SRSF10: variants seen among roughly 807,000 people sequenced by gnomAD.
The protein encoded by SRSF10 is serine/arginine-rich splicing factor 10.
Under a neutral mutation model 32.6 loss-of-function variants are expected in SRSF10, and 9 were observed. The observed-to-expected ratio is 0.28, with a 90% CI of 0.17 to 0.48. The LOEUF is 0.48. SRSF10 is among the 20% of genes least tolerant of loss of function. The probability of loss-of-function intolerance (pLI) is 0.99; values close to 1 mark genes in which losing one functional copy is unlikely to be tolerated. For missense variants in SRSF10, 201 were observed against 331.8 expected, an observed-to-expected ratio of 0.61 and a Z score of 3.06; for synonymous variants, 105 against 112.4, an observed-to-expected ratio of 0.93 and a Z score of 0.42.
At chr1:23,973,751 G>A (rs1267842590) in intron 3 of SRSF10, among the ~76,000 whole-genome samples, 1 of 152,190 alleles carries the variant, frequency 6.6e-6, no homozygotes, top group African/African-American at 2.4e-5. Context: ...TGAACAATGT[G>A]CAGTGTCAAC....
intron 3 of SRSF10, 147 bp downstream of exon 3, chr1:23,974,827 C>T (rs1355960690): frequency 7.7e-5 from 50 of 652,034 alleles, no homozygotes; most frequent in Admixed American, 1.5e-4. Flanking sequence ...AGTGAGACTC[C>T]GTCTCAAAAA....
At chr1:23,979,919 C>A (rs111422740) in intron 1 of SRSF10, among the ~76,000 whole-genome samples, 1 of 150,412 alleles carries the variant, frequency 6.6e-6, no homozygotes, top group Non-Finnish European at 1.5e-5. Flanking sequence ...CTGCTCGCGC[C>A]GGCAGGAAGC....
intron 3 of SRSF10, 46 bp downstream of exon 3, chr1:23,974,927 AC>A (rs1156360851): frequency 7.3e-7 from 1 of 1,370,012 alleles, no homozygotes; most frequent in Non-Finnish European, 1.0e-6. Context: ...AAATCTCAAA[AC>A]ACTAAAAAAT....
Position 23,967,547 on chromosome 1 carries a change from A to C in SRSF10, c.*3595T>G, listed in dbSNP as rs1641512963. ...CAATTATTCCATGTAGTTTTCGATA[A>C]CATTCTTTTATCTTTTCAGACCAGA... On this transcript the variant is annotated 3_prime_UTR_variant, in exon 6 of 6. Coordinates refer to ENST00000492112, the MANE Select transcript of SRSF10 (RefSeq NM_054016.4). 1 of 607,958 alleles carries C rather than the reference A, an allele frequency of 1.6e-6. No homozygotes were observed. The highest frequency in any genetic ancestry group is 1.8e-5 in the African/African-American group (1 of 54,960). 37.7% of individuals were successfully genotyped at this position (607,958 alleles called of 1,614,324 possible).
Position 23,970,301 on chromosome 1 carries a change from G to A in SRSF10, c.*841C>T. 1.0e-6 allele frequency: 1 copy of A among 984,620 alleles called. No individual in the cohort carries two copies. The highest frequency in any genetic ancestry group is 1.2e-6 in the Non-Finnish European group (1 of 829,838). 61.0% of individuals were successfully genotyped at this position (984,620 alleles called of 1,614,324 possible). The stretch of plus-strand genomic sequence containing the variant: ...GCTGGCATCATTCCCCAAGACAGTG[G>A]GGTTAACAAAAGAACTAATCCACAC... On this transcript the variant is annotated 3_prime_UTR_variant, in exon 6 of 6. Transcript: ENST00000492112.
Position 23,967,959 on chromosome 1 carries a change from T to TAAA in SRSF10, c.*3182_*3183insTTT. 7.4e-7 allele frequency: 1 copy of TAAA among 1,351,450 alleles called. No homozygotes were observed. Among genetic ancestry groups the TAAA allele is most frequent in the Non-Finnish European group, 9.7e-7 (1 of 1,030,162 alleles). 83.7% of individuals were successfully genotyped at this position (1,351,450 alleles called of 1,614,324 possible). A position where few individuals can be genotyped will look rare whatever the true frequency, so the allele number is the denominator to read the frequency against. ...CATTTTTCTTCTTGCTTACTTGGCT[T>TAAA]CAAAAAAAAAAAAAAAATGCAGAGA... On this transcript the variant is annotated 3_prime_UTR_variant, in exon 6 of 6. Coordinates refer to ENST00000492112, the MANE Select transcript of SRSF10 (RefSeq NM_054016.4).
rs1641408735 is a variant in SRSF10, at chr1:23,965,497, C to T, written c.*5645G>A. On this transcript the variant is annotated 3_prime_UTR_variant, in exon 6 of 6. Transcript: ENST00000492112. ...TAGCATAATATGCAAGAAGCTATCA[C>T]ATGATGGGTATTCTACAAAGGACAA... The T allele has an allele frequency of 6.6e-6, 1 of 151,996 alleles. No individual in the cohort carries two copies. Among genetic ancestry groups the T allele is most frequent in the Non-Finnish European group, 1.5e-5 (1 of 67,868 alleles). The allele number at this position is 151,996 out of a possible 1,614,324, so 9.4% of individuals were successfully genotyped here. A position where few individuals can be genotyped will look rare whatever the true frequency, so the allele number is the denominator to read the frequency against.
Position 23,980,272 on chromosome 1 carries a change from G to A in SRSF10, c.-17C>T. 6.8e-7 allele frequency: 1 copy of A among 1,475,948 alleles called. No individual in the cohort carries two copies. Among genetic ancestry groups the A allele is most frequent in the African/African-American group, 1.5e-5 (1 of 68,362 alleles). 91.4% of individuals were successfully genotyped at this position (1,475,948 alleles called of 1,614,324 possible). On this transcript the variant is annotated 5_prime_UTR_variant, in exon 1 of 6. Transcript: ENST00000492112. ...GCGGGACATGGCGGCGGCGTGTCTC[G>A]GCCGGGCGCACTAACGGGCTCAGCA...
intron 3 of SRSF10, 97 bp from the exon 4 acceptor site, chr1:23,972,109 TC>T: frequency 9.4e-7 from 1 of 1,065,122 alleles, no homozygotes; most frequent in Non-Finnish European, 1.3e-6. Flanking sequence ...CCCTCTTATA[TC>T]CCAAAGAGAG....
intron 1 of SRSF10, 95 bp downstream of exon 1, chr1:23,980,096 G>A (rs1642370841): frequency 3.0e-6 from 4 of 1,337,284 alleles, no homozygotes; most frequent in Non-Finnish European, 4.0e-6. Flanking sequence ...TCTTCACTCC[G>A]TCCCCTCCCC....
At chr1:23,973,809 T>C (rs1332229295) in intron 3 of SRSF10, among the ~76,000 whole-genome samples, 1 of 152,156 alleles carries the variant, frequency 6.6e-6, no homozygotes, top group Non-Finnish European at 1.5e-5. Flanking sequence ...TAATAAGGCA[T>C]TCCTAAATGC....
rs1193310043 is a variant in SRSF10 at position 23,969,686 on chromosome 1, T to C, written c.*1456A>G. On this transcript the variant is annotated 3_prime_UTR_variant, in exon 6 of 6. Transcript: ENST00000492112. ...GAAATTGGACATGTCAAGTCACTTT[T>C]GTCCCCAAAACGATCTTTCAGAGAA... 19 of 985,332 alleles carry C rather than the reference T, an allele frequency of 1.9e-5. No individual in the cohort carries two copies. Among genetic ancestry groups the C allele is most frequent in the Non-Finnish European group, 2.2e-5 (18 of 829,824 alleles). The allele number at this position is 985,332 out of a possible 1,614,324, so 61.0% of individuals were successfully genotyped here.
At position 23,967,542 on chromosome 1, in the gene SRSF10, C is replaced by T. The variant is rs1478793905; in HGVS notation, c.*3600G>A. 7 of 585,534 alleles carry T rather than the reference C, an allele frequency of 1.2e-5. No individual in the cohort carries two copies. The highest frequency in any genetic ancestry group is 8.3e-5 in the Admixed American group (3 of 35,966). 36.3% of individuals were successfully genotyped at this position (585,534 alleles called of 1,614,324 possible). ...GACTTCAATTATTCCATGTAGTTTT[C>T]GATAACATTCTTTTATCTTTTCAGA... On this transcript the variant is annotated 3_prime_UTR_variant, in exon 6 of 6. Transcript: ENST00000492112.
At position 23,967,688 on chromosome 1, in the gene SRSF10, G is replaced by A; in HGVS notation, c.*3454C>T. ...TCAGATCTTTCTTGAAGTGTAGTAA[G>A]CAGAACTGTACTGGGTATTCCAGCT... On this transcript the variant is annotated 3_prime_UTR_variant, in exon 6 of 6. Transcript: ENST00000492112. 1.3e-6 allele frequency: 2 copies of A among 1,598,482 alleles called. No homozygotes were observed. The highest frequency in any genetic ancestry group is 1.7e-6 in the Non-Finnish European group (2 of 1,166,004).
intron 3 of SRSF10, among the ~76,000 whole-genome samples, chr1:23,972,957 C>T (rs1641862605): frequency 6.6e-6 from 1 of 152,234 alleles, no homozygotes; most frequent in African/African-American, 2.4e-5. Context: ...TCAGGCTGGA[C>T]TTGAACTCCT....
At chr1:23,973,259 GC>G (rs1209562159) in intron 3 of SRSF10, among the ~76,000 whole-genome samples, 2 of 152,074 alleles carry the variant, frequency 1.3e-5, no homozygotes, top group Non-Finnish European at 2.9e-5. Context: ...TAGTTTATCA[GC>G]CAAGACCTGG....
rs1452667346 is a variant in SRSF10 at position 23,964,549 on chromosome 1, A to G, written c.*6593T>C. On this transcript the variant is annotated 3_prime_UTR_variant, in exon 6 of 6. Coordinates refer to ENST00000492112, the MANE Select transcript of SRSF10 (RefSeq NM_054016.4). The stretch of plus-strand genomic sequence containing the variant: ...TTCGATGGCAGTTATACTATGATGG[A>G]ATCCAGGTCCAAAACCTATCCTTAA... Among the ~76,000 whole-genome samples, 1 of 152,010 alleles carries G rather than the reference A, an allele frequency of 6.6e-6. No individual in the cohort carries two copies. Among genetic ancestry groups the G allele is most frequent in the African/African-American group, 2.4e-5 (1 of 41,438 alleles).
At chr1:23,980,119 G>GCCA in intron 1 of SRSF10, 72 bp downstream of exon 1, 2 of 1,451,974 alleles carry the variant, frequency 1.4e-6, no homozygotes, top group African/African-American at 1.5e-5. Context: ...GCCCAGTGCC[G>GCCA]CCACCACCAG....
chr1:23,967,310 T>C lies in SRSF10; in HGVS notation c.*3832A>G, dbSNP rs1641500414. 5.2e-6 allele frequency: 1 copy of C among 193,764 alleles called. No homozygotes were observed. Among genetic ancestry groups the C allele is most frequent in the Non-Finnish European group, 1.0e-5 (1 of 95,512 alleles). The allele number at this position is 193,764 out of a possible 1,614,324, so 12.0% of individuals were successfully genotyped here. A position where few individuals can be genotyped will look rare whatever the true frequency, so the allele number is the denominator to read the frequency against. ...TTGGACCATACCTTTTCCCACCCAA[T>C]TCAGTTTGAGACAGACCAACAGAGG... On this transcript the variant is annotated 3_prime_UTR_variant, in exon 6 of 6. Transcript: ENST00000492112.
Sources: gnomAD v4.1 joint callset for allele counts (sites outside exome capture counted in the v4.1 genomes callset) on GRCh38, gnomAD v4.1.1 for gene constraint, MANE v1.5 for transcripts, NCBI Gene and HGNC (gene_info 2026-07-23, HGNC 2026-07-21) for gene names.